SLC1A3: variants seen among roughly 807,000 people sequenced by gnomAD.
The protein encoded by SLC1A3 is excitatory amino acid transporter 1.
A neutral mutation model predicts 48.1 loss-of-function variants in SLC1A3; 21 were observed. The observed-to-expected ratio is 0.44, with a 90% CI of 0.31 to 0.63. SLC1A3 has a LOEUF of 0.63. Among genes scored for constraint, SLC1A3 ranks in the 20% least tolerant of loss-of-function variants. The pLI, the probability that SLC1A3 is intolerant of heterozygous loss-of-function variation, is 0.08. For missense variants in SLC1A3, 546 were observed against 689.0 expected (o/e 0.79, Z 2.32); for synonymous variants, 239 against 251.4 (o/e 0.95, Z 0.47).
chr5:36,679,501 A>G, intron 6 of SLC1A3, 126 bp from the exon 7 acceptor site: 3 of 756,934 alleles, frequency 4.0e-6, no homozygotes, highest in South Asian at 1.4e-5. Context: ...GTAAGTCCTA[A>G]TGGTATCCTG....
In SLC1A3 at chr5:36,686,249, G is replaced by A. The variant is rs1045623880; in HGVS notation, c.1609G>A (p.Asp537Asn). The A allele has an allele frequency of 3.1e-5, 50 of 1,613,416 alleles. 1 individual carries two copies. In the Admixed American group the frequency reaches 6.8e-4, roughly 22 times the overall value. The change falls in exon 10 of 10, where the codon GAC becomes AAC. Residue 537 changes from aspartate to asparagine, a missense_variant. Physicochemically the swap from Asp to Asn is conservative, Grantham distance 23 (BLOSUM62 1). This residue lies in a region of SLC1A3 where 56 missense variants were observed against 59.0 expected (regional missense o/e 0.95). Coordinates refer to ENST00000265113, the MANE Select transcript of SLC1A3 (RefSeq NM_004172.5). Reference sequence around the variant, plus strand: ...GGACAATGAAACTGAGAAACCCATCGACAGTGAAACCAAGATGTAGACTAA... The same window carrying A: ...GGACAATGAAACTGAGAAACCCATCAACAGTGAAACCAAGATGTAGACTAA... ...AQDNETEKPIDSETKM is the reference protein window; with the variant it reads ...AQDNETEKPINSETKM
chr5:36,628,000 G>C (rs770040656), intron 2 of SLC1A3, among the ~76,000 whole-genome samples: 4 of 152,200 alleles, frequency 2.6e-5, no homozygotes, highest in Non-Finnish European at 5.9e-5. Flanking sequence ...CATATAGCAA[G>C]AGCTCAGTAA....
At chr5:36,681,419 T>C (rs3733812) in intron 8 of SLC1A3, among the ~76,000 whole-genome samples, 20,759 of 152,234 alleles carry the variant, frequency 0.14, 1,516 homozygotes, top group Middle Eastern at 0.19. Context: ...GTATAGATAC[T>C]ACTAGAAAAT....
In SLC1A3 at chr5:36,629,444, C is replaced by A. The variant is rs1579969071; in HGVS notation, c.182-6C>A. ...TTCTTTTTCTTTTTTTTTTTTTTTC[C>A]TTCAGGTACAATCCTTGGATTTACC... On this transcript the variant is annotated splice_polypyrimidine_tract_variant and splice_region_variant and intron_variant, in intron 2 of 9. Coordinates refer to ENST00000265113, the MANE Select transcript of SLC1A3 (RefSeq NM_004172.5). 6.4e-7 allele frequency: 1 copy of A among 1,559,754 alleles called. No individual in the cohort carries two copies. The highest frequency in any genetic ancestry group is 8.7e-7 in the Non-Finnish European group (1 of 1,154,938).
At chr5:36,652,516 G>T (rs1561266436) in intron 3 of SLC1A3, among the ~76,000 whole-genome samples, 1 of 152,176 alleles carries the variant, frequency 6.6e-6, no homozygotes, top group East Asian at 1.9e-4. Context: ...AACAATGTGT[G>T]TTTGGTGTGT....
At chr5:36,669,171 A>C (rs1292594426) in intron 3 of SLC1A3, 1 of 152,250 alleles carries the variant, frequency 6.6e-6, no homozygotes, top group East Asian at 1.9e-4. Context: ...GGTGGTGACA[A>C]GTTCAGGCAC....
chr5:36,644,589 C>G (rs563093884), intron 3 of SLC1A3, among the ~76,000 whole-genome samples: 1 of 152,180 alleles, frequency 6.6e-6, no homozygotes, highest in South Asian at 2.1e-4. Context: ...GTGTTTTATA[C>G]CATAATTAAA....
Position 36,687,273 on chromosome 5 carries a change from G to C in SLC1A3, c.*1004G>C, listed in dbSNP as rs1742689228. On this transcript the variant is annotated 3_prime_UTR_variant, in exon 10 of 10. Coordinates refer to ENST00000265113, the MANE Select transcript of SLC1A3 (RefSeq NM_004172.5). The stretch of plus-strand genomic sequence containing the variant: ...TCGAAAACAGATGAGAAGACTAGCA[G>C]CTAGCAAGGGTGCTTGTGGTCACAC... 2 of 152,230 alleles carry C rather than the reference G, an allele frequency of 1.3e-5. No individual in the cohort carries two copies. Among genetic ancestry groups the C allele is most frequent in the South Asian group, 2.1e-4 (1 of 4,832 alleles). 9.4% of individuals were successfully genotyped at this position (152,230 alleles called of 1,614,324 possible). A position where few individuals can be genotyped will look rare whatever the true frequency, so the allele number is the denominator to read the frequency against.
At chr5:36,675,389 G>T (rs934052814) in intron 5 of SLC1A3, among the ~76,000 whole-genome samples, 1 of 152,158 alleles carries the variant, frequency 6.6e-6, no homozygotes, top group Non-Finnish European at 1.5e-5. Context: ...AAGTCAGCTG[G>T]CCCTGTGTGA....
chr5:36,636,463 T>TTTTCTTTTTCTTTCTTTC (rs1422812992), intron 3 of SLC1A3: 3 of 68,598 alleles, frequency 4.4e-5, no homozygotes, highest in Non-Finnish European at 8.5e-5. Context: ...TCTTTCTTTC[T>TTTTCTTTTTCTTTCTTTC]TTTCTTTCTT....
rs1187026760 is a variant in SLC1A3 at position 36,636,599 on chromosome 5, T to TC, written c.319+7013dup. 4.7e-3 allele frequency among the ~76,000 whole-genome samples: 606 copies of TC among 128,550 alleles called. 8 individuals carry two copies. The highest frequency in any genetic ancestry group is 0.015 in the African/African-American group (571 of 37,204). 84.3% of individuals were successfully genotyped at this position (128,550 alleles called of 152,430 possible). On this transcript the variant is annotated intron_variant, in intron 3 of 9. Transcript: ENST00000265113. The stretch of plus-strand genomic sequence containing the variant: ...CCTTTCTTTTTCTTCCTTTCTTCTT[T>TC]CTTTTTTTTTTTTTTTTGCCCTGAA...
chr5:36,633,924 G>A (rs553836331), intron 3 of SLC1A3, among the ~76,000 whole-genome samples: 12 of 152,300 alleles, frequency 7.9e-5, no homozygotes, highest in African/African-American at 2.9e-4. Flanking sequence ...ATTGTAAATT[G>A]ATGCAATTGC....
chr5:36,677,012 G>C lies in SLC1A3; in HGVS notation c.688G>C (p.Glu230Gln). Residue 230 changes from glutamate to glutamine, a missense_variant, in exon 6 of 10, where the codon GAG becomes CAG. Physicochemically the swap from Glu to Gln is conservative, Grantham distance 29. Coordinates refer to ENST00000265113, the MANE Select transcript of SLC1A3 (RefSeq NM_004172.5). ...AMETLTRITE[E>Q]LVPVPGSVNG... ...GGAGACTCTTACCCGAATCACAGAG[G>C]AGCTGGTCCCAGTTCCAGGATCTGT... 1 of 1,614,100 alleles carries C rather than the reference G, an allele frequency of 6.2e-7. No individual in the cohort carries two copies. Among genetic ancestry groups the C allele is most frequent in the Non-Finnish European group, 8.5e-7 (1 of 1,179,980 alleles).
intron 3 of SLC1A3, among the ~76,000 whole-genome samples, chr5:36,648,460 G>T (rs1327027334): frequency 1.3e-5 from 2 of 152,152 alleles, no homozygotes; most frequent in East Asian, 3.8e-4. Context: ...AATGCATTCT[G>T]TCCCACGTTT....
rs538645138 is a variant in SLC1A3, at chr5:36,688,184, A to G, written c.*1915A>G. ...TGTTACACAATATGTGTTTTTTAAT[A>G]TACTAACCATTTCTTATGGAAAGGT... On this transcript the variant is annotated 3_prime_UTR_variant, in exon 10 of 10. Transcript: ENST00000265113. The G allele has an allele frequency of 4.6e-5, 7 of 152,328 alleles. No homozygotes were observed. The highest frequency in any genetic ancestry group is 1.7e-4 in the African/African-American group (7 of 41,568). 9.4% of individuals were successfully genotyped at this position (152,328 alleles called of 1,614,324 possible). A position where few individuals can be genotyped will look rare whatever the true frequency, so the allele number is the denominator to read the frequency against.
At chr5:36,618,714 C>A (rs1739545508) in intron 2 of SLC1A3, among the ~76,000 whole-genome samples, 1 of 152,198 alleles carries the variant, frequency 6.6e-6, no homozygotes, top group African/African-American at 2.4e-5. Flanking sequence ...ATATAACACA[C>A]AAAAGGCACC....
At chr5:36,648,378 C>A (rs957632464) in intron 3 of SLC1A3, among the ~76,000 whole-genome samples, 2 of 152,182 alleles carry the variant, frequency 1.3e-5, no homozygotes, top group Admixed American at 1.3e-4. Flanking sequence ...GAATACGGTT[C>A]TTAAGTTAAT....
intron 3 of SLC1A3, among the ~76,000 whole-genome samples, chr5:36,636,739 G>A (rs1740406846): frequency 6.6e-6 from 1 of 151,810 alleles, no homozygotes; most frequent in South Asian, 2.1e-4. Context: ...CAAATGGGAA[G>A]TAAAGGAGAA....
intron 3 of SLC1A3, among the ~76,000 whole-genome samples, chr5:36,653,239 T>C (rs796541391): frequency 1.3e-5 from 2 of 152,338 alleles, no homozygotes; most frequent in African/African-American, 4.8e-5. Flanking sequence ...AGGAAATGGT[T>C]CATAACAGAA....
Sources: gnomAD v4.1 joint callset for allele counts (sites outside exome capture counted in the v4.1 genomes callset) on GRCh38, gnomAD v4.1.1 for gene constraint, gnomAD v4.1.1 regional missense constraint, MANE v1.5 for transcripts, NCBI Gene and HGNC (gene_info 2026-07-23, HGNC 2026-07-21) for gene names.